Variants in HGD observed in about 807,000 individuals in gnomAD.
HGD encodes the protein homogentisate oxidase.
HGD carries 61 observed loss-of-function variants against 60.8 expected under a neutral mutation model. The observed-to-expected ratio is 1.00, with a 90% confidence interval of 0.82 to 1.24. HGD has a LOEUF of 1.24. Among genes scored for constraint, HGD ranks in the 50% most tolerant of loss-of-function variants. The pLI is 0.00. For synonymous variants in HGD, 212 were observed against 187.7 expected, an observed-to-expected ratio of 1.13 and a Z score of -1.06; for missense variants, 542 against 547.1, an observed-to-expected ratio of 0.99 and a Z score of 0.09.
intron 4 of HGD, among the ~76,000 whole-genome samples, chr3:120,657,837 G>A (rs61799870): frequency 7.8e-6 from 1 of 128,138 alleles, no homozygotes; most frequent in Non-Finnish European, 1.8e-5. Flanking sequence ...GAGAGAGAGA[G>A]AAAGAGAGAG....
At chr3:120,671,065 T>C (rs1708015468) in intron 3 of HGD, among the ~76,000 whole-genome samples, 1 of 152,228 alleles carries the variant, frequency 6.6e-6, no homozygotes, top group African/African-American at 2.4e-5. Context: ...AATTAAAAAG[T>C]CCTGAAAGGT....
Position 120,645,181 on chromosome 3 carries a change from C to T in HGD, c.650-738G>A, listed in dbSNP as rs998228529. On this transcript the variant is annotated intron_variant, in intron 9 of 13. Coordinates refer to ENST00000283871, the MANE Select transcript of HGD (RefSeq NM_000187.4). ...AATTATAGATATTTTCCAGAGGGTA[C>T]ATGTTCCACGGAACCTGGAGGCTAT... 3.3e-5 allele frequency among the ~76,000 whole-genome samples: 5 copies of T among 152,170 alleles called. No homozygotes were observed. In the East Asian group the frequency reaches 7.7e-4, roughly 23 times the overall value.
chr3:120,675,330 CTT>C (rs72035804), intron 2 of HGD, among the ~76,000 whole-genome samples: 7 of 146,686 alleles, frequency 4.8e-5, no homozygotes, highest in South Asian at 2.2e-4. Context: ...GCATTTTTTC[CTT>C]TTTTTTTTTA....
chr3:120,674,725 A>G, intron 3 of HGD, 176 bp downstream of exon 3: 1 of 606,970 alleles, frequency 1.6e-6, no homozygotes. Flanking sequence ...TCCACCAGTC[A>G]CTTGGTGCTA....
chr3:120,681,788 A>G (rs1559805490), intron 1 of HGD, among the ~76,000 whole-genome samples: 10 of 152,220 alleles, frequency 6.6e-5, no homozygotes, highest in Admixed American at 5.9e-4. Context: ...TGGGAAAAAG[A>G]CATAGAGAGA....
At chr3:120,675,910 A>G in intron 1 of HGD, 47 bp from the exon 2 acceptor site, 2 of 1,475,344 alleles carry the variant, frequency 1.4e-6, no homozygotes, top group Non-Finnish European at 1.9e-6. Flanking sequence ...GGATTTAAAG[A>G]GCATTTCAGA....
At chr3:120,668,664 T>C (rs991776382) in intron 4 of HGD, among the ~76,000 whole-genome samples, 3 of 152,236 alleles carry the variant, frequency 2.0e-5, no homozygotes, top group Admixed American at 2.0e-4. Flanking sequence ...ATCAGAATCA[T>C]GGTTCTTGCC....
At chr3:120,670,397 G>C (rs1170060970) in intron 4 of HGD, 30 bp downstream of exon 4, 4 of 1,086,268 alleles carry the variant, frequency 3.7e-6, no homozygotes, top group Non-Finnish European at 5.7e-6. Flanking sequence ...TTGGGTATAT[G>C]ATAAGCTTCA....
chr3:120,646,149 T>C (rs1941152659), intron 9 of HGD, 118 bp downstream of exon 9: 1 of 752,894 alleles, frequency 1.3e-6, no homozygotes, highest in Non-Finnish European at 2.4e-6. Flanking sequence ...AGAATTTGTC[T>C]AGAGAGAAAA....
intron 11 of HGD, among the ~76,000 whole-genome samples, chr3:120,639,553 G>A (rs1191651390): frequency 6.6e-6 from 1 of 152,112 alleles, no homozygotes; most frequent in Non-Finnish European, 1.5e-5. Flanking sequence ...TTATTACCCC[G>A]TGGGTCTGAG....
intron 4 of HGD, among the ~76,000 whole-genome samples, chr3:120,663,033 A>G (rs1257105957): frequency 6.6e-6 from 1 of 152,190 alleles, no homozygotes; most frequent in Admixed American, 6.5e-5. Flanking sequence ...GAGAGGCCTC[A>G]GAAGAAAGCA....
chr3:120,654,024 T>C (rs771750691), intron 4 of HGD, among the ~76,000 whole-genome samples: 27 of 152,198 alleles, frequency 1.8e-4, no homozygotes, highest in Admixed American at 3.9e-4. Flanking sequence ...TGGGAGGATA[T>C]TTCCCTAACA....
At chr3:120,680,728 C>A (rs568726562) in intron 1 of HGD, among the ~76,000 whole-genome samples, 1 of 152,304 alleles carries the variant, frequency 6.6e-6, no homozygotes, top group East Asian at 1.9e-4. Context: ...CTGGGTATCT[C>A]AGTTTGGCTG....
chr3:120,631,131 T>C (rs1940580159), intron 13 of HGD, among the ~76,000 whole-genome samples: 1 of 152,062 alleles, frequency 6.6e-6, no homozygotes, highest in Non-Finnish European at 1.5e-5. Flanking sequence ...TATTGGGTAC[T>C]GTTTAGTACC....
At chr3:120,636,116 C>CAAAA (rs34434001) in intron 12 of HGD, among the ~76,000 whole-genome samples, 1 of 113,232 alleles carries the variant, frequency 8.8e-6, no homozygotes, top group African/African-American at 3.3e-5. Flanking sequence ...ACTAACAATA[C>CAAAA]AAAAAAAAAA....
intron 11 of HGD, among the ~76,000 whole-genome samples, chr3:120,639,010 T>G (rs1325098260): frequency 6.6e-6 from 1 of 152,336 alleles, no homozygotes; most frequent in African/African-American, 2.4e-5. Context: ...ATGTAAGACA[T>G]GCTTTTGCTC....
At chr3:120,679,471 G>A (rs1417325572) in intron 1 of HGD, among the ~76,000 whole-genome samples, 1 of 152,114 alleles carries the variant, frequency 6.6e-6, no homozygotes, top group Admixed American at 6.6e-5. Flanking sequence ...AATGGCTAAT[G>A]GCTCACTCTG....
At chr3:120,658,474 C>A (rs1479484647) in intron 4 of HGD, among the ~76,000 whole-genome samples, 1 of 152,216 alleles carries the variant, frequency 6.6e-6, no homozygotes, top group East Asian at 1.9e-4. Flanking sequence ...TCTTGGTCAG[C>A]CCCACTCAGG....
At chr3:120,630,797 T>TA (rs1940559726) in intron 13 of HGD, among the ~76,000 whole-genome samples, 3 of 39,592 alleles carry the variant, frequency 7.6e-5, no homozygotes, top group African/African-American at 3.7e-4. Context: ...ACTTAAGAGC[T>TA]TTATATATAT....
Sources: gnomAD v4.1 joint callset for allele counts (sites outside exome capture counted in the v4.1 genomes callset) on GRCh38, gnomAD v4.1.1 for gene constraint, MANE v1.5 for transcripts, NCBI Gene and HGNC (gene_info 2026-07-23, HGNC 2026-07-21) for gene names.